Variants in PTGIS observed in about 807,000 individuals in gnomAD.
PTGIS encodes the protein prostaglandin I2 synthase.
A neutral mutation model predicts 50.3 loss-of-function variants in PTGIS; 45 were observed. The ratio of observed to expected loss-of-function variants is 0.90; its 90% confidence interval spans 0.70 to 1.15. The LOEUF is 1.15. Among genes scored for constraint, PTGIS ranks in the 50% most tolerant of loss-of-function variants. PTGIS has a pLI of 0.00. For missense variants in PTGIS, 668 were observed against 661.3 expected, an observed-to-expected ratio of 1.01 and a Z score of -0.11; for synonymous variants, 260 against 267.7, an observed-to-expected ratio of 0.97 and a Z score of 0.28.
intron 5 of PTGIS, among the ~76,000 whole-genome samples, chr20:49,525,536 G>A (rs544731857): frequency 3.3e-5 from 5 of 151,952 alleles, no homozygotes; most frequent in East Asian, 3.9e-4. Context: ...GGATAAAGCC[G>A]GGCACTGAAG....
At chr20:49,508,561 C>A (rs191920016) in intron 9 of PTGIS, among the ~76,000 whole-genome samples, 192 of 152,282 alleles carry the variant, frequency 1.3e-3, no homozygotes, top group Admixed American at 5.0e-3. Flanking sequence ...TACGGCGACT[C>A]CTCTGGATCC....
chr20:49,517,148 G>C (rs1047910940), intron 6 of PTGIS, among the ~76,000 whole-genome samples: 6 of 152,224 alleles, frequency 3.9e-5, no homozygotes, highest in African/African-American at 1.4e-4. Flanking sequence ...AAGTCGGGGG[G>C]GCCTCCGGCC....
rs199740067 is a variant in PTGIS at position 49,547,935 on chromosome 20, C to G, written c.283G>C (p.Asp95His). Residue 95 changes from aspartate (D) to histidine (H), a missense_variant, in exon 3 of 10, where the codon GAC (aspartate) becomes CAC (histidine). Asp to His is a moderately conservative substitution (Grantham distance 81). Coordinates refer to ENST00000244043, the MANE Select transcript of PTGIS (RefSeq NM_000961.4). ...AGGAAGATGGCATAGGCATGGAAGTCGAGCCTGGTGCGAGGCTCCCACACC... is the reference window on the plus strand; with the variant it reads ...AGGAAGATGGCATAGGCATGGAAGTGGAGCCTGGTGCGAGGCTCCCACACC... The part of the protein sequence containing the change: ...AVVWEPRTRL[D>H]FHAYAIFLME... 6.2e-7 allele frequency: 1 copy of G among 1,614,128 alleles called. No individual in the cohort carries two copies. Among genetic ancestry groups the G allele is most frequent in the South Asian group, 1.1e-5 (1 of 91,058 alleles).
At chr20:49,508,685 G>A (rs995981726) in intron 9 of PTGIS, among the ~76,000 whole-genome samples, 6 of 152,118 alleles carry the variant, frequency 3.9e-5, no homozygotes, top group African/African-American at 1.4e-4. Context: ...AACAGGCATC[G>A]CTCTCAAGAC....
intron 9 of PTGIS, among the ~76,000 whole-genome samples, chr20:49,509,398 C>T (rs59744196): frequency 0.017 from 2,579 of 152,286 alleles, 65 homozygotes; most frequent in African/African-American, 0.058. Flanking sequence ...GAACACTGTG[C>T]GCTAGGCACC....
At chr20:49,513,045 C>T in intron 8 of PTGIS, 35 bp downstream of exon 8, 1 of 1,612,856 alleles carries the variant, frequency 6.2e-7, no homozygotes, top group Non-Finnish European at 8.5e-7. Flanking sequence ...TGTTCTCCCA[C>T]AGACCCCATA....
intron 6 of PTGIS, among the ~76,000 whole-genome samples, chr20:49,519,672 C>A (rs531734761): frequency 8.5e-5 from 13 of 152,184 alleles, no homozygotes; most frequent in African/African-American, 3.1e-4. Flanking sequence ...TCCACTCCCC[C>A]ATCTCCATCT....
At chr20:49,549,820 A>G (rs911415469) in intron 2 of PTGIS, among the ~76,000 whole-genome samples, 2 of 152,164 alleles carry the variant, frequency 1.3e-5, no homozygotes, top group Non-Finnish European at 2.9e-5. Flanking sequence ...TTGGATAGAT[A>G]TTGAGTGACT....
intron 5 of PTGIS, among the ~76,000 whole-genome samples, 160 bp from the exon 6 acceptor site, chr20:49,524,399 A>G (rs79958301): frequency 0.076 from 11,507 of 152,218 alleles, 1,359 homozygotes; most frequent in African/African-American, 0.25. Context: ...GGCCCACAGC[A>G]GGAAGCCCTT....
chr20:49,514,422 C>T, intron 6 of PTGIS, 27 bp from the exon 7 acceptor site: 3 of 1,610,580 alleles, frequency 1.9e-6, no homozygotes, highest in Non-Finnish European at 2.5e-6. Flanking sequence ...CCCTGTTATG[C>T]CATTATGAGG....
chr20:49,555,290 G>T (rs1407413609), intron 1 of PTGIS, among the ~76,000 whole-genome samples: 2 of 151,902 alleles, frequency 1.3e-5, no homozygotes, highest in Non-Finnish European at 2.9e-5. Context: ...AAAGAATAAA[G>T]GTTTTTGCCT....
At chr20:49,513,397 C>CA (rs972145297) in intron 7 of PTGIS, 136 bp from the exon 8 acceptor site, 1 of 999,808 alleles carries the variant, frequency 1.0e-6, no homozygotes, top group African/African-American at 1.6e-5. Flanking sequence ...AGTCACATAG[C>CA]AAGGTGAAAA....
At chr20:49,514,449 T>C (rs1981420531) in intron 6 of PTGIS, 54 bp from the exon 7 acceptor site, 13 of 1,592,382 alleles carry the variant, frequency 8.2e-6, no homozygotes, top group Non-Finnish European at 9.4e-6. Context: ...CTGACTCGTC[T>C]CTGCCAGGGA....
intron 6 of PTGIS, among the ~76,000 whole-genome samples, chr20:49,520,348 T>C (rs1807629609): frequency 6.6e-6 from 1 of 152,068 alleles, no homozygotes; most frequent in Non-Finnish European, 1.5e-5. Flanking sequence ...TTTTTTTTTT[T>C]TTGAGATGGG....
chr20:49,550,227 C>A, intron 1 of PTGIS, 38 bp from the exon 2 acceptor site: 1 of 1,606,166 alleles, frequency 6.2e-7, no homozygotes, highest in African/African-American at 1.3e-5. Context: ...TTTGATAAGG[C>A]AAGGAAGGGC....
intron 3 of PTGIS, among the ~76,000 whole-genome samples, chr20:49,546,538 C>T (rs1982365151): frequency 6.6e-6 from 1 of 152,218 alleles, no homozygotes; most frequent in Admixed American, 6.5e-5. Context: ...CACTGAAGAT[C>T]GCCATTGGAC....
intron 2 of PTGIS, 114 bp from the exon 3 acceptor site, chr20:49,548,133 A>G: frequency 1.0e-6 from 1 of 969,292 alleles, no homozygotes; most frequent in Non-Finnish European, 1.6e-6. Context: ...GTAACACACT[A>G]TGTTCTCTTA....
chr20:49,542,550 A>C (rs1013700801), intron 4 of PTGIS, among the ~76,000 whole-genome samples: 2 of 152,122 alleles, frequency 1.3e-5, no homozygotes, highest in Admixed American at 6.5e-5. Flanking sequence ...TCCCCAGCCT[A>C]TCTCTCTCTG....
chr20:49,538,700 TTTAA>T (rs141842876), intron 5 of PTGIS, among the ~76,000 whole-genome samples: 5,569 of 140,652 alleles, frequency 0.04, 337 homozygotes, highest in African/African-American at 0.15. Flanking sequence ...TATTTATTTA[TTTAA>T]GACAGAGTCT....
Sources: gnomAD v4.1 joint callset for allele counts (sites outside exome capture counted in the v4.1 genomes callset) on GRCh38, gnomAD v4.1.1 for gene constraint, MANE v1.5 for transcripts, NCBI Gene and HGNC (gene_info 2026-07-23, HGNC 2026-07-21) for gene names.